Variants in CAMK1D observed in about 807,000 individuals in gnomAD.
CAMK1D encodes the protein calcium/calmodulin dependent protein kinase ID.
CAMK1D carries 9 observed loss-of-function variants against 47.7 expected under a neutral mutation model. The observed-to-expected ratio is 0.19, with a 90% CI of 0.11 to 0.33. The LOEUF is 0.33. Among genes scored for constraint, CAMK1D ranks in the 10% least tolerant of loss-of-function variants. The pLI is 1.00. For missense variants in CAMK1D, 291 were observed against 488.7 expected, an observed-to-expected ratio of 0.60 and a Z score of 3.81; for synonymous variants, 184 against 184.9, an observed-to-expected ratio of 0.99 and a Z score of 0.04.
At chr10:12,730,842 T>C (rs1834851934) in intron 3 of CAMK1D, among the ~76,000 whole-genome samples, 1 of 152,180 alleles carries the variant, frequency 6.6e-6, no homozygotes, top group Admixed American at 6.5e-5. Flanking sequence ...CATAGAATCA[T>C]GATACTGGTG....
At chr10:12,406,909 A>G (rs1382232676) in intron 1 of CAMK1D, among the ~76,000 whole-genome samples, 1 of 151,936 alleles carries the variant, frequency 6.6e-6, no homozygotes, top group Non-Finnish European at 1.5e-5. Flanking sequence ...GACCTTTTAT[A>G]GAGGAGATCG....
intron 1 of CAMK1D, among the ~76,000 whole-genome samples, chr10:12,547,385 A>G (rs1185831530): frequency 6.6e-6 from 1 of 152,220 alleles, no homozygotes; most frequent in Admixed American, 6.5e-5. Flanking sequence ...AGCTGTGCCC[A>G]GACGACAGTT....
chr10:12,640,317 A>G (rs1564461966), intron 2 of CAMK1D, among the ~76,000 whole-genome samples: 1 of 152,160 alleles, frequency 6.6e-6, no homozygotes, highest in Non-Finnish European at 1.5e-5. Context: ...GGAGTTTAGA[A>G]TCTCAAAATC....
intron 1 of CAMK1D, among the ~76,000 whole-genome samples, chr10:12,500,058 G>C (rs1834653759): frequency 6.6e-6 from 1 of 152,150 alleles, no homozygotes; most frequent in Non-Finnish European, 1.5e-5. Flanking sequence ...TTGAGGTCAG[G>C]AGTTCGAGAC....
chr10:12,483,447 C>T (rs1359859317), intron 1 of CAMK1D, among the ~76,000 whole-genome samples: 2 of 152,096 alleles, frequency 1.3e-5, no homozygotes, highest in Admixed American at 6.5e-5. Flanking sequence ...GCAATCTGCC[C>T]GCCTTTGCGT....
intron 1 of CAMK1D, among the ~76,000 whole-genome samples, chr10:12,543,249 A>G (rs1836255952): frequency 6.6e-6 from 1 of 151,934 alleles, no homozygotes; most frequent in South Asian, 2.1e-4. Flanking sequence ...GGGTTTATGC[A>G]TGGTGGCCAG....
chr10:12,377,116 C>T (rs1473778042), intron 1 of CAMK1D, among the ~76,000 whole-genome samples: 1 of 151,942 alleles, frequency 6.6e-6, no homozygotes, highest in East Asian at 1.9e-4. Flanking sequence ...TCTCTCCTGG[C>T]AAATGAAGAT....
chr10:12,543,287 G>A (rs1836256891), intron 1 of CAMK1D, among the ~76,000 whole-genome samples: 1 of 152,046 alleles, frequency 6.6e-6, no homozygotes, highest in Non-Finnish European at 1.5e-5. Flanking sequence ...GACCTCATGT[G>A]ATCTAACCGC....
intron 8 of CAMK1D, 66 bp from the exon 9 acceptor site, chr10:12,824,399 T>C: frequency 7.1e-7 from 1 of 1,415,800 alleles, no homozygotes. Context: ...AAGACTCCCC[T>C]TTATGGGACG....
At chr10:12,351,826 C>T (rs1837362856) in intron 1 of CAMK1D, among the ~76,000 whole-genome samples, 1 of 152,182 alleles carries the variant, frequency 6.6e-6, no homozygotes, top group African/African-American at 2.4e-5. Flanking sequence ...GGGAATGGGT[C>T]TCTCTTAGGG....
chr10:12,662,688 C>A (rs1840310418), intron 2 of CAMK1D, among the ~76,000 whole-genome samples: 2 of 150,454 alleles, frequency 1.3e-5, no homozygotes, highest in African/African-American at 4.9e-5. Flanking sequence ...GGTAGAACTT[C>A]AGATTAAAAT....
intron 2 of CAMK1D, among the ~76,000 whole-genome samples, chr10:12,632,807 G>T (rs928661507): frequency 1.3e-5 from 2 of 152,046 alleles, no homozygotes; most frequent in African/African-American, 4.8e-5. Flanking sequence ...CGATTCTCTT[G>T]CGTCAGCCTC....
chr10:12,827,950 G>C (rs544255384), intron 10 of CAMK1D, among the ~76,000 whole-genome samples: 2 of 152,288 alleles, frequency 1.3e-5, no homozygotes, highest in South Asian at 4.1e-4. Flanking sequence ...AAAGTGTTGA[G>C]ATTACAGGCG....
At chr10:12,548,651 G>A (rs1207928033) in intron 1 of CAMK1D, among the ~76,000 whole-genome samples, 2 of 151,798 alleles carry the variant, frequency 1.3e-5, no homozygotes, top group Non-Finnish European at 2.9e-5. Flanking sequence ...TTTTTCTAGA[G>A]ACAGCATTTT....
In CAMK1D at chr10:12,757,269, G is replaced by A. The variant is rs78846253; in HGVS notation, c.300-3679G>A. Among the ~76,000 whole-genome samples, 651 of 152,088 alleles carry A rather than the reference G, an allele frequency of 4.3e-3. 2 individuals carry two copies. The highest frequency in any genetic ancestry group is 0.022 in the East Asian group (116 of 5,160). ...ATTACAGATGTGCGCCACTGTGCCC[G>A]GCCTCATTTATTCATTTTAATTTAT... is the stretch of plus-strand genomic sequence containing the variant. On this transcript the variant is annotated intron_variant, in intron 3 of 10. Transcript: ENST00000619168.
chr10:12,717,909 A>AG (rs1554816040), intron 3 of CAMK1D, among the ~76,000 whole-genome samples: 10 of 147,910 alleles, frequency 6.8e-5, no homozygotes, highest in African/African-American at 2.2e-4. Context: ...AAAAAAAAAG[A>AG]AAAAAAAAAG....
At chr10:12,529,292 T>C (rs749624736) in intron 1 of CAMK1D, among the ~76,000 whole-genome samples, 2 of 152,106 alleles carry the variant, frequency 1.3e-5, no homozygotes, top group East Asian at 1.9e-4. Flanking sequence ...CAAGAGAGGG[T>C]GGACCACCTG....
At chr10:12,446,394 G>A (rs1832926502) in intron 1 of CAMK1D, among the ~76,000 whole-genome samples, 1 of 152,206 alleles carries the variant, frequency 6.6e-6, no homozygotes. Context: ...TCATGGTGCT[G>A]ACAGGAGTGT....
intron 3 of CAMK1D, among the ~76,000 whole-genome samples, chr10:12,726,135 G>A (rs1834621442): frequency 6.6e-6 from 1 of 151,834 alleles, no homozygotes; most frequent in Admixed American, 6.6e-5. Context: ...TGTTACAAAG[G>A]GAATACTGGG....
Sources: allele counts gnomAD v4.1 joint callset (sites outside exome capture counted in the v4.1 genomes callset), GRCh38; gene constraint gnomAD v4.1.1; transcripts MANE v1.5; gene names NCBI Gene and HGNC (gene_info 2026-07-23, HGNC 2026-07-21).